MAP3K5: variants seen among roughly 807,000 people sequenced by gnomAD.
MAP3K5 encodes ASK-1.
Under a neutral mutation model 158.7 loss-of-function variants are expected in MAP3K5, and 56 were observed. The observed-to-expected ratio is 0.35, with a 90% CI of 0.28 to 0.44. The LOEUF is 0.44. Ranked by LOEUF, MAP3K5 falls within the 20% of genes least tolerant of loss-of-function variation. MAP3K5 has a pLI of 1.00. For synonymous variants in MAP3K5, 579 were observed against 601.7 expected (o/e 0.96, Z 0.55); for missense variants, 1,294 against 1,674.8 (o/e 0.77, Z 3.97).
chr6:136,599,040 G>T (rs1189017352), intron 21 of MAP3K5, among the ~76,000 whole-genome samples: 1 of 151,984 alleles, frequency 6.6e-6, no homozygotes, highest in African/African-American at 2.4e-5. Flanking sequence ...GCGTGGTAGT[G>T]GGCACCTACA....
At chr6:136,668,983 T>A (rs570716599) in intron 8 of MAP3K5, among the ~76,000 whole-genome samples, 1 of 152,292 alleles carries the variant, frequency 6.6e-6, no homozygotes, top group South Asian at 2.1e-4. Context: ...AGTAACCTTA[T>A]TTAGGAGTTG....
At chr6:136,585,441 A>G (rs868779851) in intron 23 of MAP3K5, among the ~76,000 whole-genome samples, 8 of 147,100 alleles carry the variant, frequency 5.4e-5, no homozygotes, top group African/African-American at 2.0e-4. Flanking sequence ...TTCTCCTTTG[A>G]GCAAGGCATA....
At chr6:136,611,464 TTA>T in intron 17 of MAP3K5, 77 bp from the exon 18 acceptor site, 1 of 763,896 alleles carries the variant, frequency 1.3e-6, no homozygotes, top group Non-Finnish European at 2.2e-6. Context: ...TAAGTCCAAT[TTA>T]AAAAAAAAAA....
intron 25 of MAP3K5, among the ~76,000 whole-genome samples, chr6:136,572,728 A>G (rs1774426863): frequency 6.6e-6 from 1 of 152,226 alleles, no homozygotes; most frequent in Admixed American, 6.5e-5. Context: ...GAAAGTAGAA[A>G]CTTGTAAGTT....
chr6:136,768,834 A>T (rs1477161186), intron 1 of MAP3K5, among the ~76,000 whole-genome samples: 1 of 151,714 alleles, frequency 6.6e-6, no homozygotes, highest in Non-Finnish European at 1.5e-5. Flanking sequence ...AATCGCTTGA[A>T]CCCAGGAGAC....
intron 1 of MAP3K5, among the ~76,000 whole-genome samples, chr6:136,729,510 C>T (rs1193097589): frequency 6.6e-6 from 1 of 152,206 alleles, no homozygotes; most frequent in African/African-American, 2.4e-5. Context: ...ACCCTTTGAG[C>T]AATGTATCAT....
intron 8 of MAP3K5, among the ~76,000 whole-genome samples, chr6:136,661,153 T>A (rs1778989429): frequency 6.6e-6 from 1 of 152,234 alleles, no homozygotes; most frequent in Non-Finnish European, 1.5e-5. Context: ...ATGAGAGTCA[T>A]GATTTTAGCT....
At position 136,637,420 on chromosome 6, in the gene MAP3K5, T is replaced by C. The variant is rs1477873748; in HGVS notation, c.1935-14A>G. 2.1e-6 allele frequency: 3 copies of C among 1,443,278 alleles called. No individual in the cohort carries two copies. In the South Asian group the frequency reaches 3.4e-5, roughly 16 times the overall value. The allele number at this position is 1,443,278 out of a possible 1,614,324, so 89.4% of individuals were successfully genotyped here. ...ATCTCAAAAAACCTACAATACAAGT[T>C]AGCACGTGAGCATTCATAACACAAA... On this transcript the variant is annotated splice_polypyrimidine_tract_variant and intron_variant, in intron 13 of 29. Transcript: ENST00000359015.
intron 11 of MAP3K5, among the ~76,000 whole-genome samples, chr6:136,643,279 G>A (rs550722881): frequency 1.5e-4 from 23 of 152,258 alleles, no homozygotes; most frequent in African/African-American, 5.5e-4. Flanking sequence ...AAATTCATAT[G>A]TCCCTAAAAT....
chr6:136,563,825 C>T (rs1262904425), intron 26 of MAP3K5, among the ~76,000 whole-genome samples: 2 of 152,166 alleles, frequency 1.3e-5, no homozygotes, highest in Non-Finnish European at 2.9e-5. Context: ...TTAAGATTAT[C>T]AGGATAAATC....
chr6:136,718,221 T>C (rs72981615), intron 2 of MAP3K5, among the ~76,000 whole-genome samples: 4,163 of 152,250 alleles, frequency 0.027, 88 homozygotes, highest in Non-Finnish European at 0.046. Flanking sequence ...TGTTTTGTGA[T>C]TTTTTTGAGA....
At chr6:136,601,307 TTCTC>T (rs777544852) in intron 20 of MAP3K5, among the ~76,000 whole-genome samples, 3 of 152,204 alleles carry the variant, frequency 2.0e-5, no homozygotes, top group African/African-American at 7.2e-5. Flanking sequence ...TGGCAATCTT[TTCTC>T]TCTTTCTTTT....
chr6:136,688,878 G>A (rs761720402), intron 7 of MAP3K5, among the ~76,000 whole-genome samples: 8 of 151,950 alleles, frequency 5.3e-5, no homozygotes, highest in African/African-American at 1.9e-4. Flanking sequence ...CATTTATACT[G>A]GGCATAATGC....
chr6:136,650,083 A>T (rs1262653432), intron 11 of MAP3K5, among the ~76,000 whole-genome samples: 1 of 152,214 alleles, frequency 6.6e-6, no homozygotes, highest in Non-Finnish European at 1.5e-5. Context: ...GTGGAAAGCA[A>T]GCACCATGGA....
At chr6:136,632,257 G>A (rs962642987) in intron 14 of MAP3K5, among the ~76,000 whole-genome samples, 3 of 152,016 alleles carry the variant, frequency 2.0e-5, no homozygotes, top group Non-Finnish European at 4.4e-5. Flanking sequence ...ATGGTGGCTC[G>A]TGTCCGTAAT....
At chr6:136,714,252 G>A in intron 2 of MAP3K5, among the ~76,000 whole-genome samples, 1 of 152,292 alleles carries the variant, frequency 6.6e-6, no homozygotes. Flanking sequence ...CAATTTAAGT[G>A]TGAGGTATTT....
intron 15 of MAP3K5, among the ~76,000 whole-genome samples, chr6:136,616,071 T>G (rs899230784): frequency 2.6e-5 from 4 of 152,180 alleles, no homozygotes; most frequent in Non-Finnish European, 4.4e-5. Flanking sequence ...TCTTTAGAAT[T>G]ACTTCAGGAA....
chr6:136,693,431 C>T (rs1440391182), intron 7 of MAP3K5, among the ~76,000 whole-genome samples: 1 of 152,100 alleles, frequency 6.6e-6, no homozygotes, highest in Non-Finnish European at 1.5e-5. Flanking sequence ...ATTGGTTTGT[C>T]AAATCACATG....
At chr6:136,568,479 A>C (rs1420619581) in intron 25 of MAP3K5, among the ~76,000 whole-genome samples, 1 of 152,160 alleles carries the variant, frequency 6.6e-6, no homozygotes, top group Non-Finnish European at 1.5e-5. Context: ...GTTCTCCTCT[A>C]ACCTGTTGAC....
Sources: gnomAD v4.1 joint callset for allele counts (sites outside exome capture counted in the v4.1 genomes callset) on GRCh38, gnomAD v4.1.1 for gene constraint, MANE v1.5 for transcripts, NCBI Gene and HGNC (gene_info 2026-07-23, HGNC 2026-07-21) for gene names.